The following SLC30A10 variants were observed in gnomAD, a reference collection of about 807,000 sequenced individuals.
SLC30A10 encodes the protein calcium/manganese antiporter SLC30A10.
In SLC30A10, 8 loss-of-function variants were observed where a neutral mutation model predicts 21.7. The observed-to-expected ratio is 0.37, with a 90% confidence interval of 0.22 to 0.67. The LOEUF (loss-of-function observed/expected upper bound fraction) is 0.67. SLC30A10 is among the 30% of genes least tolerant of loss of function. SLC30A10 has a pLI of 0.58. For synonymous variants in SLC30A10, 272 were observed against 279.4 expected (o/e 0.97, Z 0.26); for missense variants, 521 against 642.5 (o/e 0.81, Z 2.04).
intron 1 of SLC30A10, among the ~76,000 whole-genome samples, chr1:219,940,981 T>C (rs1415170076): frequency 6.6e-6 from 1 of 152,042 alleles, no homozygotes; most frequent in African/African-American, 2.4e-5. Flanking sequence ...ATAATAAATA[T>C]CTGACCCAGA....
intron 3 of SLC30A10, among the ~76,000 whole-genome samples, chr1:219,917,869 C>A (rs1372092133): frequency 1.3e-5 from 2 of 151,926 alleles, no homozygotes; most frequent in Non-Finnish European, 2.9e-5. Context: ...TGCTACCACG[C>A]CTGGCTAATT....
intron 1 of SLC30A10, among the ~76,000 whole-genome samples, chr1:219,939,160 A>C (rs551531793): frequency 6.6e-6 from 1 of 152,302 alleles, no homozygotes; most frequent in East Asian, 1.9e-4. Flanking sequence ...AAATACTCTT[A>C]AAAGGGGGAT....
intron 1 of SLC30A10, among the ~76,000 whole-genome samples, 163 bp downstream of exon 1, chr1:219,927,638 T>TAAAAAA (rs77015523): frequency 3.2e-4 from 17 of 53,412 alleles, no homozygotes; most frequent in South Asian, 1.4e-3. Flanking sequence ...ATGGATTTAT[T>TAAAAAA]AAAAAAAAAA....
At chr1:219,934,381 T>C (rs1196218352) in intron 1 of SLC30A10, among the ~76,000 whole-genome samples, 1 of 152,048 alleles carries the variant, frequency 6.6e-6, no homozygotes, top group African/African-American at 2.4e-5. Flanking sequence ...GAAAATTGCT[T>C]GAACCTGGGA....
chr1:219,949,781 A>C (rs1660242378), intron 1 of SLC30A10, among the ~76,000 whole-genome samples: 1 of 151,728 alleles, frequency 6.6e-6, no homozygotes, highest in Non-Finnish European at 1.5e-5. Context: ...TAAAAATAAA[A>C]ATAAAAAAAG....
chr1:219,941,954 C>T (rs1431290254), intron 1 of SLC30A10, among the ~76,000 whole-genome samples: 1 of 152,186 alleles, frequency 6.6e-6, no homozygotes, highest in Non-Finnish European at 1.5e-5. Context: ...AGGTCTTGGC[C>T]CTGGCCAGGT....
intron 3 of SLC30A10, 55 bp from the exon 4 acceptor site, chr1:219,916,003 G>A (rs1024251566): frequency 2.6e-6 from 4 of 1,568,438 alleles, no homozygotes; most frequent in South Asian, 2.4e-5. Flanking sequence ...TTGAAACATG[G>A]AACTACAGGA....
chr1:219,916,575 G>T (rs541494679), intron 3 of SLC30A10, among the ~76,000 whole-genome samples: 3 of 152,166 alleles, frequency 2.0e-5, no homozygotes, highest in African/African-American at 7.2e-5. Flanking sequence ...TTTTTACACC[G>T]CATATAGAAG....
intron 1 of SLC30A10, among the ~76,000 whole-genome samples, chr1:219,946,326 GCCAAACCTGTT>G (rs1660186216): frequency 6.6e-6 from 1 of 152,120 alleles, no homozygotes; most frequent in Non-Finnish European, 1.5e-5. Context: ...TATCTAAATT[GCCAAACCTGTT>G]CCAAAGGATG....
intron 1 of SLC30A10, among the ~76,000 whole-genome samples, chr1:219,935,360 C>T (rs1409331874): frequency 6.6e-6 from 1 of 152,192 alleles, no homozygotes; most frequent in Non-Finnish European, 1.5e-5. Flanking sequence ...TGAAAAAAGC[C>T]TTTTGCCCAA....
chr1:219,927,370 C>A (rs1272787306), intron 1 of SLC30A10, among the ~76,000 whole-genome samples: 2 of 151,676 alleles, frequency 1.3e-5, no homozygotes, highest in Non-Finnish European at 1.5e-5. Flanking sequence ...CCCGTAACAC[C>A]CAAGAAGACA....
intron 1 of SLC30A10, among the ~76,000 whole-genome samples, chr1:219,949,510 A>G (rs1020614607): frequency 2.0e-5 from 3 of 152,030 alleles, no homozygotes; most frequent in African/African-American, 7.3e-5. Context: ...CGCAAGAACA[A>G]AAAACCAAAC....
intron 1 of SLC30A10, 141 bp from the exon 2 acceptor site, chr1:219,927,246 A>ACAGTAC: frequency 1.3e-6 from 1 of 794,984 alleles, no homozygotes; most frequent in South Asian, 1.6e-5. Context: ...ACAGCTCAGA[A>ACAGTAC]CAGTACATTT....
Position 219,928,093 on chromosome 1 carries a change from CACCAGCTCGGGGTCAT to C in SLC30A10, c.332_347del (p.Asp111GlyfsTer76). ...ACAGCCCCAGGACGCCGACGATGAG[CACCAGCTCGGGGTCAT>C]CGATGCGCTCGGGCCGGGCCAGGCG... On this transcript the variant is annotated frameshift_variant, in exon 1 of 4. Coordinates refer to ENST00000366926, the MANE Select transcript of SLC30A10 (RefSeq NM_018713.3). LOFTEE classifies it high-confidence loss of function. The surrounding 1 kb of genome is among the most constrained non-coding windows in gnomAD (Gnocchi z 6.3). 4.4e-6 allele frequency: 7 copies of C among 1,584,376 alleles called. No homozygotes were observed. The highest frequency in any genetic ancestry group is 6.0e-6 in the Non-Finnish European group (7 of 1,166,514).
intron 1 of SLC30A10, among the ~76,000 whole-genome samples, chr1:219,949,745 TATA>T (rs1235875875): frequency 1.3e-5 from 2 of 150,724 alleles, no homozygotes; most frequent in South Asian, 2.1e-4. Context: ...AAACTTAAAG[TATA>T]ATAATAATAA....
rs868089000 is a variant in SLC30A10 at position 219,915,177 on chromosome 1, T to C, written c.*272A>G. On this transcript the variant is annotated 3_prime_UTR_variant, in exon 4 of 4. Transcript: ENST00000366926. Reference sequence around the variant, plus strand: ...GTCCCAGACTTTAATGTCCCTGATATATACACTAGTGCAGTTTGCTTTAGA... The same window carrying C: ...GTCCCAGACTTTAATGTCCCTGATACATACACTAGTGCAGTTTGCTTTAGA... 4.1e-5 allele frequency: 18 copies of C among 443,860 alleles called. No homozygotes were observed. The highest frequency in any genetic ancestry group is 3.2e-4 in the South Asian group (12 of 37,012). 27.5% of individuals were successfully genotyped at this position (443,860 alleles called of 1,614,324 possible).
Position 219,936,809 on chromosome 1 carries a change from A to G in SLC30A10, n.81-9704T>C, listed in dbSNP as rs556093823. ...ATTACGCTCCTAATTTGACTTTTGAATGCTGCACCCTCCTGGTTTTCCTTA... is the reference window on the plus strand; with the variant it reads ...ATTACGCTCCTAATTTGACTTTTGAGTGCTGCACCCTCCTGGTTTTCCTTA... On this transcript the variant is annotated intron_variant and non_coding_transcript_variant, in intron 1 of 8. Transcript: ENST00000484239. 1.3e-4 allele frequency among the ~76,000 whole-genome samples: 20 copies of G among 152,322 alleles called. No homozygotes were observed. In the South Asian group the frequency reaches 3.9e-3, roughly 30 times the overall value.
At position 219,928,553 on chromosome 1, in the gene SLC30A10, A is replaced by G. The variant is rs1659908391; in HGVS notation, c.-113T>C. On this transcript the variant is annotated 5_prime_UTR_variant, in exon 1 of 4. Coordinates refer to ENST00000366926, the MANE Select transcript of SLC30A10 (RefSeq NM_018713.3). The surrounding 1 kb of genome is among the most constrained non-coding windows in gnomAD (Gnocchi z 6.3). ...CCGTGAGGCCCGGTACCCGCCTCCC[A>G]GATTGTCTCGCCGGCCCTGCCCCAC... is the stretch of plus-strand genomic sequence containing the variant. The G allele has an allele frequency of 7.5e-6, 7 of 936,416 alleles. No individual in the cohort carries two copies. The East Asian group carries it at 2.2e-4, about 29-fold the overall frequency. The allele number at this position is 936,416 out of a possible 1,614,324, so 58.0% of individuals were successfully genotyped here.
intron 1 of SLC30A10, among the ~76,000 whole-genome samples, chr1:219,957,223 A>C (rs1235347297): frequency 6.6e-6 from 1 of 152,156 alleles, no homozygotes; most frequent in Non-Finnish European, 1.5e-5. Context: ...TCTAGTTTCT[A>C]ATTTATTTTT....
Sources: allele counts gnomAD v4.1 joint callset (sites outside exome capture counted in the v4.1 genomes callset), GRCh38; gene constraint gnomAD v4.1.1; non-coding constraint Gnocchi (gnomAD v3.1); transcripts MANE v1.5; gene names NCBI Gene and HGNC (gene_info 2026-07-23, HGNC 2026-07-21).